MACROD2: variants seen among roughly 807,000 people sequenced by gnomAD.
The protein encoded by MACROD2 is ADP-ribose glycohydrolase MACROD2.
A neutral mutation model predicts 70.4 loss-of-function variants in MACROD2; 36 were observed. The ratio of observed to expected loss-of-function variants is 0.51; its 90% CI spans 0.39 to 0.68. MACROD2 has a LOEUF of 0.68. Among genes scored for constraint, MACROD2 ranks in the 30% least tolerant of loss-of-function variants. The probability of loss-of-function intolerance (pLI) is 0.00; values close to 1 mark genes in which losing one functional copy is unlikely to be tolerated. For missense variants in MACROD2, 496 were observed against 538.4 expected, an observed-to-expected ratio of 0.92 and a Z score of 0.78; for synonymous variants, 172 against 178.8, an observed-to-expected ratio of 0.96 and a Z score of 0.30.
intron 5 of MACROD2, among the ~76,000 whole-genome samples, chr20:14,982,250 A>G (rs1394996740): frequency 1.3e-5 from 2 of 152,198 alleles, no homozygotes; most frequent in East Asian, 1.9e-4. Flanking sequence ...GTACTCTTAA[A>G]TGCATTCAGT....
chr20:14,609,150 A>G (rs538092537), intron 4 of MACROD2, among the ~76,000 whole-genome samples: 2 of 152,198 alleles, frequency 1.3e-5, no homozygotes, highest in East Asian at 3.9e-4. Context: ...TGGGAAAAAC[A>G]GTGAAAGAAG....
At chr20:15,933,159 T>G in intron 10 of MACROD2, 117 bp from the exon 11 acceptor site, 1 of 917,174 alleles carries the variant, frequency 1.1e-6, no homozygotes, top group Non-Finnish European at 1.7e-6. Flanking sequence ...CTGCCTGGCT[T>G]TATGGGGAGT....
chr20:15,647,146 G>C (rs2049560360), intron 8 of MACROD2, among the ~76,000 whole-genome samples: 1 of 152,218 alleles, frequency 6.6e-6, no homozygotes, highest in South Asian at 2.1e-4. Flanking sequence ...TAGGAAAAGG[G>C]AAGTAGCAGC....
intron 8 of MACROD2, among the ~76,000 whole-genome samples, chr20:15,671,000 A>G (rs2049972540): frequency 6.6e-6 from 1 of 152,254 alleles, no homozygotes; most frequent in Admixed American, 6.5e-5. Flanking sequence ...TAACAAAACA[A>G]CTTAATCACT....
intron 4 of MACROD2, among the ~76,000 whole-genome samples, chr20:14,543,360 T>C (rs948562698): frequency 2.6e-5 from 4 of 152,218 alleles, no homozygotes; most frequent in South Asian, 2.1e-4. Context: ...ACAACCACTC[T>C]ATCTCAAATA....
intron 6 of MACROD2, among the ~76,000 whole-genome samples, chr20:15,375,710 A>C (rs1433656603): frequency 6.6e-6 from 1 of 152,160 alleles, no homozygotes; most frequent in Non-Finnish European, 1.5e-5. Flanking sequence ...ATTGCATGTT[A>C]AGTACTGTGC....
intron 3 of MACROD2, among the ~76,000 whole-genome samples, chr20:14,442,099 A>C (rs2084130434): frequency 6.6e-6 from 1 of 152,016 alleles, no homozygotes; most frequent in Non-Finnish European, 1.5e-5. Context: ...GCGAAACCCC[A>C]TCTCTACAAA....
intron 3 of MACROD2, among the ~76,000 whole-genome samples, chr20:14,302,859 G>C (rs530906906): frequency 6.6e-6 from 1 of 152,114 alleles, no homozygotes; most frequent in African/African-American, 2.4e-5. Context: ...TCACCATGTT[G>C]GCCAGGCTGC....
At chr20:14,731,895 T>C (rs2071602719) in intron 5 of MACROD2, among the ~76,000 whole-genome samples, 1 of 152,160 alleles carries the variant, frequency 6.6e-6, no homozygotes, top group Non-Finnish European at 1.5e-5. Context: ...AATGCCATTC[T>C]TCTCACTAAA....
intron 7 of MACROD2, among the ~76,000 whole-genome samples, chr20:15,444,914 T>G (rs1441345468): frequency 1.3e-5 from 2 of 151,936 alleles, no homozygotes; most frequent in Non-Finnish European, 1.5e-5. Context: ...TGCATTAAAA[T>G]GCTTATCATA....
At position 14,851,155 on chromosome 20, in the gene MACROD2, C is replaced by T. The variant is rs117774286; in HGVS notation, c.418+166196C>T. 9.7e-3 allele frequency among the ~76,000 whole-genome samples: 1,475 copies of T among 151,704 alleles called. 22 individuals carry two copies. Among genetic ancestry groups the T allele is most frequent in the Admixed American group, 0.011 (174 of 15,248 alleles). Reference sequence around the variant, plus strand: ...GGAAAGAGTTAAAAAGAATCACTTACCTTTTATGAATTATTTTTTAAGACT... The same window carrying T: ...GGAAAGAGTTAAAAAGAATCACTTATCTTTTATGAATTATTTTTTAAGACT... On this transcript the variant is annotated intron_variant, in intron 5 of 17. Transcript: ENST00000684519.
At chr20:15,831,623 C>A (rs996660021) in intron 8 of MACROD2, among the ~76,000 whole-genome samples, 28 of 152,150 alleles carry the variant, frequency 1.8e-4, no homozygotes, top group African/African-American at 6.0e-4. Flanking sequence ...GTTCTGCTTG[C>A]CTGTTCTGTC....
chr20:15,096,790 G>A (rs1371482489), intron 5 of MACROD2, among the ~76,000 whole-genome samples: 1 of 148,984 alleles, frequency 6.7e-6, no homozygotes, highest in African/African-American at 2.5e-5. Flanking sequence ...GGGATTATAG[G>A]CGTGAGCCAC....
intron 10 of MACROD2, among the ~76,000 whole-genome samples, chr20:15,915,941 T>G (rs1046124413): frequency 6.6e-6 from 1 of 152,080 alleles, no homozygotes; most frequent in Non-Finnish European, 1.5e-5. Context: ...TAAAAATCAG[T>G]TTCCATAAAA....
intron 8 of MACROD2, among the ~76,000 whole-genome samples, chr20:15,824,647 A>G (rs1255811355): frequency 6.6e-6 from 1 of 152,196 alleles, no homozygotes; most frequent in Admixed American, 6.6e-5. Context: ...GTAGCCTGGC[A>G]TGAGGAAGTA....
intron 4 of MACROD2, among the ~76,000 whole-genome samples, chr20:14,534,739 C>G (rs2123215982): frequency 6.6e-6 from 1 of 151,236 alleles, no homozygotes; most frequent in East Asian, 2.0e-4. Context: ...AGTTTTTGAA[C>G]AGAAAAATAA....
chr20:15,323,319 G>A (rs1568721375), intron 6 of MACROD2, among the ~76,000 whole-genome samples: 1 of 151,984 alleles, frequency 6.6e-6, no homozygotes, highest in African/African-American at 2.4e-5. Flanking sequence ...AATGCTTAAA[G>A]AAAAATAAAA....
chr20:15,688,189 C>A (rs1444979705), intron 8 of MACROD2, among the ~76,000 whole-genome samples: 1 of 152,178 alleles, frequency 6.6e-6, no homozygotes, highest in African/African-American at 2.4e-5. Context: ...CATAAGAGAT[C>A]TAAGAAACAC....
At chr20:14,498,681 T>TC (rs1380715480) in intron 4 of MACROD2, among the ~76,000 whole-genome samples, 2 of 152,202 alleles carry the variant, frequency 1.3e-5, no homozygotes, top group Middle Eastern at 6.3e-3. Context: ...ACAACTAATT[T>TC]CACAAAAAAT....
Sources: allele counts gnomAD v4.1 joint callset (sites outside exome capture counted in the v4.1 genomes callset), GRCh38; gene constraint gnomAD v4.1.1; transcripts MANE v1.5; gene names NCBI Gene and HGNC (gene_info 2026-07-23, HGNC 2026-07-21).